The following NRXN1 variants were observed in gnomAD, a reference collection of about 807,000 sequenced individuals.
NRXN1 encodes neurexin 1, also known as neurexin-1.
A neutral mutation model predicts 150.9 loss-of-function variants in NRXN1; 39 were observed. The observed-to-expected ratio is 0.26, with a 90% CI of 0.20 to 0.34. NRXN1 has a LOEUF of 0.34. Ranked by LOEUF, NRXN1 falls within the 10% of genes least tolerant of loss-of-function variation. The pLI is 1.00. For synonymous variants in NRXN1, 924 were observed against 757.0 expected (o/e 1.22, Z -3.62); for missense variants, 1,815 against 1,949.9 (o/e 0.93, Z 1.30).
At chr2:50,515,605 GT>G (rs2092606772) in intron 12 of NRXN1, among the ~76,000 whole-genome samples, 1 of 66,202 alleles carries the variant, frequency 1.5e-5, no homozygotes, top group Non-Finnish European at 3.8e-5. Context: ...CTTGGGGTGT[GT>G]GTGTGTGTGT....
chr2:50,872,804 T>C (rs755408045), intron 5 of NRXN1, among the ~76,000 whole-genome samples: 10 of 151,456 alleles, frequency 6.6e-5, no homozygotes, highest in Non-Finnish European at 1.3e-4. Flanking sequence ...GAATAAAAAA[T>C]AAAATAAAAA....
intron 2 of NRXN1, among the ~76,000 whole-genome samples, chr2:50,932,673 C>CA (rs2104406998): frequency 6.6e-6 from 1 of 152,096 alleles, no homozygotes; most frequent in Non-Finnish European, 1.5e-5. Flanking sequence ...CAGAAATCGC[C>CA]ACTAAAGAAC....
intron 2 of NRXN1, among the ~76,000 whole-genome samples, chr2:50,927,433 A>C (rs1687071677): frequency 1.3e-5 from 2 of 151,986 alleles, no homozygotes; most frequent in South Asian, 2.1e-4. Flanking sequence ...AACAAAAAAA[A>C]CTTTCAAATA....
intron 5 of NRXN1, among the ~76,000 whole-genome samples, chr2:50,657,963 A>C (rs1686734634): frequency 6.6e-6 from 1 of 151,994 alleles, no homozygotes; most frequent in Admixed American, 6.6e-5. Context: ...CCAGAACAAT[A>C]AATTAGCAAG....
At chr2:49,963,311 G>A (rs1196814157) in intron 21 of NRXN1, among the ~76,000 whole-genome samples, 1 of 152,174 alleles carries the variant, frequency 6.6e-6, no homozygotes, top group Non-Finnish European at 1.5e-5. Context: ...TCTTTCAAGT[G>A]ACAGGAATGG....
chr2:50,059,185 G>A (rs1445420615), intron 19 of NRXN1, among the ~76,000 whole-genome samples: 1 of 152,138 alleles, frequency 6.6e-6, no homozygotes. Flanking sequence ...GGTCTCAGAT[G>A]GAGATGAGGA....
At chr2:50,188,496 T>G (rs1039635278) in intron 18 of NRXN1, among the ~76,000 whole-genome samples, 1 of 152,108 alleles carries the variant, frequency 6.6e-6, no homozygotes, top group Non-Finnish European at 1.5e-5. Flanking sequence ...CTAAAAGCAA[T>G]GGCAACAAAT....
chr2:50,899,314 A>G (rs557827611), intron 5 of NRXN1, among the ~76,000 whole-genome samples: 5 of 152,300 alleles, frequency 3.3e-5, no homozygotes, highest in African/African-American at 4.8e-5. Flanking sequence ...GTTATCAGAT[A>G]AAACTGGTTG....
intron 5 of NRXN1, among the ~76,000 whole-genome samples, chr2:50,849,382 T>C (rs1467046887): frequency 6.6e-6 from 1 of 152,190 alleles, no homozygotes. Flanking sequence ...AATGTCTTTC[T>C]CAAGGTCCTG....
intron 5 of NRXN1, among the ~76,000 whole-genome samples, chr2:50,798,276 T>C (rs1455387260): frequency 6.6e-6 from 1 of 152,164 alleles, no homozygotes; most frequent in Non-Finnish European, 1.5e-5. Context: ...TTTTCCTCAA[T>C]AGTCAAAAAG....
chr2:50,262,028 G>A (rs531336642), intron 17 of NRXN1, among the ~76,000 whole-genome samples: 2 of 151,848 alleles, frequency 1.3e-5, no homozygotes, highest in Admixed American at 6.6e-5. Flanking sequence ...CAAAGCCGGC[G>A]TTAACCTTGA....
chr2:50,875,198 A>C (rs977594902), intron 5 of NRXN1, among the ~76,000 whole-genome samples: 1 of 151,748 alleles, frequency 6.6e-6, no homozygotes, highest in Non-Finnish European at 1.5e-5. Flanking sequence ...TAAGAGGGGT[A>C]CATTTTTTTG....
chr2:51,009,712 A>T (rs1575209290), intron 2 of NRXN1, among the ~76,000 whole-genome samples: 1 of 151,950 alleles, frequency 6.6e-6, no homozygotes, highest in African/African-American at 2.4e-5. Context: ...TTACTATGAA[A>T]CCAATTTGAG....
rs1670916214 is a variant in NRXN1 at position 51,028,195 on chromosome 2, G to A, written c.79C>T (p.Leu27=). ...SLLLLGCWAE[L]GSGLEFPGAE... The stretch of plus-strand genomic sequence containing the variant: ...CCCGGAAACTCCAGCCCGCTGCCCA[G>A]CTCCGCCCAGCAGCCCAGGAGCAGC... Residue 27 remains leucine, a synonymous_variant, in exon 2 of 23, where the codon CTG becomes TTG. Coordinates refer to ENST00000401669, the MANE Select transcript of NRXN1 (RefSeq NM_001330078.2). 2 of 1,495,522 alleles carry A rather than the reference G, an allele frequency of 1.3e-6. No individual in the cohort carries two copies. The highest frequency in any genetic ancestry group is 1.4e-5 in the African/African-American group (1 of 71,666). 92.6% of individuals were successfully genotyped at this position (1,495,522 alleles called of 1,614,324 possible).
intron 5 of NRXN1, among the ~76,000 whole-genome samples, chr2:50,640,782 A>AT (rs1268430241): frequency 1.3e-5 from 2 of 152,164 alleles, no homozygotes; most frequent in Admixed American, 6.5e-5. Context: ...GTTGTTTTCA[A>AT]TTTTTTCTAA....
chr2:50,889,459 T>C (rs1315011153), intron 5 of NRXN1, among the ~76,000 whole-genome samples: 2 of 151,758 alleles, frequency 1.3e-5, no homozygotes, highest in African/African-American at 4.8e-5. Context: ...CAAGTAAAAG[T>C]AATTTGTTTC....
chr2:50,879,123 T>C (rs1252035119), intron 5 of NRXN1, among the ~76,000 whole-genome samples: 1 of 151,874 alleles, frequency 6.6e-6, no homozygotes, highest in Non-Finnish European at 1.5e-5. Context: ...CTGTACGTTA[T>C]CCAATCAGTT....
At chr2:50,456,777 T>A (rs1015365500) in intron 17 of NRXN1, among the ~76,000 whole-genome samples, 1 of 152,134 alleles carries the variant, frequency 6.6e-6, no homozygotes, top group Non-Finnish European at 1.5e-5. Flanking sequence ...CTGGGCTTCA[T>A]GCATCCTCTT....
intron 5 of NRXN1, among the ~76,000 whole-genome samples, chr2:50,678,918 G>T (rs1689942552): frequency 6.6e-6 from 1 of 152,020 alleles, no homozygotes; most frequent in African/African-American, 2.4e-5. Flanking sequence ...ACTCAAAAGG[G>T]AATTTATGAG....
Sources: gnomAD v4.1 joint callset for allele counts (sites outside exome capture counted in the v4.1 genomes callset) on GRCh38, gnomAD v4.1.1 for gene constraint, MANE v1.5 for transcripts, NCBI Gene and HGNC (gene_info 2026-07-23, HGNC 2026-07-21) for gene names.